The following MYO7B variants were observed in gnomAD, a reference collection of about 807,000 sequenced individuals.
MYO7B encodes unconventional myosin-VIIb.
A neutral mutation model predicts 259.7 loss-of-function variants in MYO7B; 212 were observed. The observed-to-expected ratio is 0.82, with a 90% CI of 0.73 to 0.91. The LOEUF is 0.91. Among genes scored for constraint, MYO7B ranks in the 40% least tolerant of loss-of-function variants. The pLI, the probability that MYO7B is intolerant of heterozygous loss-of-function variation, is 0.00. For missense variants in MYO7B, 2,732 were observed against 2,813.5 expected (o/e 0.97, Z 0.66); for synonymous variants, 1,197 against 1,166.4 (o/e 1.03, Z -0.54).
chr2:127,624,328 G>A lies in MYO7B; in HGVS notation c.4047+8G>A. On this transcript the variant is annotated splice_region_variant and intron_variant, in intron 30 of 47. Transcript: ENST00000409816. Reference sequence around the variant, plus strand: ...GAGTACAGCTTCGAGAAGGTGAGGGGCCTGAGAGCCAGGTCCACCCTAGGC... The same window carrying A: ...GAGTACAGCTTCGAGAAGGTGAGGGACCTGAGAGCCAGGTCCACCCTAGGC... 6.4e-7 allele frequency: 1 copy of A among 1,562,200 alleles called. No homozygotes were observed. The highest frequency in any genetic ancestry group is 8.7e-7 in the Non-Finnish European group (1 of 1,153,612).
chr2:127,627,395 C>A lies in MYO7B; in HGVS notation c.4460+85C>A. 1 of 1,521,304 alleles carries A rather than the reference C, an allele frequency of 6.6e-7. No individual in the cohort carries two copies. Among genetic ancestry groups the A allele is most frequent in the Non-Finnish European group, 9.0e-7 (1 of 1,116,110 alleles). The allele number at this position is 1,521,304 out of a possible 1,614,324, so 94.2% of individuals were successfully genotyped here. A position where few individuals can be genotyped will look rare whatever the true frequency, so the allele number is the denominator to read the frequency against. On this transcript the variant is annotated intron_variant, in intron 33 of 47. Coordinates refer to ENST00000409816, the MANE Select transcript of MYO7B (RefSeq NM_001393586.1). The surrounding 1 kb of genome is among the most constrained non-coding windows in gnomAD (Gnocchi z 5.6). The stretch of plus-strand genomic sequence containing the variant: ...GCTCGGGGAGAGATGGGGAGAGGGG[C>A]AGTGTGCCGTCCCGGGTAACAGGCC...
In MYO7B at chr2:127,566,756, T is replaced by C. The variant is rs1051944226; in HGVS notation, c.399T>C (p.His133=). 2 of 1,612,776 alleles carry C rather than the reference T, an allele frequency of 1.2e-6. No individual in the cohort carries two copies. Among genetic ancestry groups the C allele is most frequent in the Non-Finnish European group, 1.7e-6 (2 of 1,179,858 alleles). The stretch of plus-strand genomic sequence containing the variant: ...GCCATATGGGCGAGCTGCCCCCGCA[T>C]GTCTTTGCCATCGCCAACAACTGCT... ...YSRHMGELPP[H]VFAIANNCYF... The change falls in exon 5 of 48, where the codon CAT becomes CAC. Residue 133 remains histidine (H), a synonymous_variant. Coordinates refer to ENST00000409816, the MANE Select transcript of MYO7B (RefSeq NM_001393586.1).
intron 30 of MYO7B, among the ~76,000 whole-genome samples, chr2:127,624,933 C>T (rs1464274947): frequency 6.6e-6 from 1 of 152,190 alleles, no homozygotes; most frequent in African/African-American, 2.4e-5. Context: ...GAGGCATGGG[C>T]AGGGGGTGGC....
At chr2:127,549,769 C>T (rs1693377039) in intron 1 of MYO7B, among the ~76,000 whole-genome samples, 1 of 152,098 alleles carries the variant, frequency 6.6e-6, no homozygotes, top group South Asian at 2.1e-4. Flanking sequence ...ATTTGGGACT[C>T]AGCAGGGCTA....
At chr2:127,555,247 G>A (rs762221006) in intron 1 of MYO7B, among the ~76,000 whole-genome samples, 27 of 152,212 alleles carry the variant, frequency 1.8e-4, no homozygotes, top group Non-Finnish European at 2.9e-4. Flanking sequence ...GTGCCTGGCC[G>A]TCTAACTGAT....
chr2:127,553,637 T>C (rs1693534517), intron 1 of MYO7B, among the ~76,000 whole-genome samples: 1 of 152,240 alleles, frequency 6.6e-6, no homozygotes. Flanking sequence ...AATTCATTTA[T>C]CAATTCTAGG....
At position 127,624,107 on chromosome 2, in the gene MYO7B, C is replaced by T; in HGVS notation, c.3834C>T (p.Gly1278=). The T allele has an allele frequency of 6.4e-7, 1 of 1,571,532 alleles. No individual in the cohort carries two copies. Among genetic ancestry groups the T allele is most frequent in the Non-Finnish European group, 8.6e-7 (1 of 1,159,316 alleles). The change falls in exon 30 of 48, where the codon GGC becomes GGT. Residue 1278 remains glycine, a synonymous_variant. Coordinates refer to ENST00000409816, the MANE Select transcript of MYO7B (RefSeq NM_001393586.1). Reference sequence around the variant, plus strand: ...TCTGGCCTCAGTTCTGGTCCCTGGGCAGCGGGCGCGACCACATGATGGATG... The same window carrying T: ...TCTGGCCTCAGTTCTGGTCCCTGGGTAGCGGGCGCGACCACATGATGGATG... The part of the protein sequence containing the change: ...VAVYDKFWSL[G]SGRDHMMDAI...
rs1285272505 is a variant in MYO7B at position 127,559,187 on chromosome 2, G to C, written c.-23-513G>C. Among the ~76,000 whole-genome samples the C allele has an allele frequency of 6.6e-6, 1 of 152,214 alleles. No individual in the cohort carries two copies. Among genetic ancestry groups the C allele is most frequent in the Non-Finnish European group, 1.5e-5 (1 of 68,034 alleles). On this transcript the variant is annotated intron_variant, in intron 1 of 47. Transcript: ENST00000409816. This position sits in a 1 kb window ranked among gnomAD's most constrained non-coding sequence, Gnocchi z 4.1. ...TCCCTCTAGAACCACCAGGTGCTAA[G>C]GACAGGTTTGAAAGGAGGCAGATCC... is the stretch of plus-strand genomic sequence containing the variant.
rs752964011 is a variant in MYO7B, at chr2:127,631,667, G to C, written c.5163G>C (p.Gln1721His). ...QAWPTLELTD[Q>H]IFTLALQHPA... ...GGCCCACCCTGGAGCTCACCGACCA[G>C]ATCTTCACACTGGCCCTGCAGCACC... The change falls in exon 38 of 48, where the codon CAG becomes CAC. Residue 1721 changes from glutamine to histidine, a missense_variant. Physicochemically the swap from Gln to His is conservative, Grantham distance 24. This residue lies in a region of MYO7B where 821 missense variants were observed against 769.3 expected (regional missense o/e 1.07). Transcript: ENST00000409816. 4.2e-5 allele frequency: 68 copies of C among 1,613,112 alleles called. No homozygotes were observed. In the South Asian group the frequency reaches 7.4e-4, roughly 17 times the overall value.
chr2:127,630,479 AGG>A (rs1681411282), intron 35 of MYO7B, among the ~76,000 whole-genome samples: 1 of 152,266 alleles, frequency 6.6e-6, no homozygotes, highest in Middle Eastern at 3.4e-3. Flanking sequence ...CCCATGGAGA[AGG>A]GGAGCTGGGG....
Position 127,565,372 on chromosome 2 carries a change from A to C in MYO7B, c.272A>C (p.Gln91Pro), listed in dbSNP as rs1283242057. 1 of 1,613,922 alleles carries C rather than the reference A, an allele frequency of 6.2e-7. No individual in the cohort carries two copies. The highest frequency in any genetic ancestry group is 8.5e-7 in the Non-Finnish European group (1 of 1,179,890). Residue 91 changes from glutamine to proline, a missense_variant, in exon 4 of 48, where the codon CAG becomes CCG. By Grantham distance (76) the Gln-to-Pro change is moderately conservative. This residue lies in a region of MYO7B where 1,906 missense variants were observed against 2,026.4 expected (regional missense o/e 0.94). Transcript: ENST00000409816. ...CACAACCTCCTGATCCGCTACCAGCAGCACAAGATCTATGTGAGTCTCCCC... is the reference window on the plus strand; with the variant it reads ...CACAACCTCCTGATCCGCTACCAGCCGCACAAGATCTATGTGAGTCTCCCC... ...MVHNLLIRYQQHKIYTYTGSI... is the reference protein window; with the variant it reads ...MVHNLLIRYQPHKIYTYTGSI...
intron 1 of MYO7B, among the ~76,000 whole-genome samples, chr2:127,536,513 C>A (rs928419660): frequency 2.0e-5 from 3 of 151,612 alleles, no homozygotes; most frequent in Non-Finnish European, 4.4e-5. Flanking sequence ...GGGACCGCAC[C>A]GGGGCTCACA....
intron 16 of MYO7B, among the ~76,000 whole-genome samples, chr2:127,591,393 G>A (rs975074683): frequency 7.2e-5 from 11 of 152,340 alleles, no homozygotes; most frequent in Admixed American, 3.3e-4. Context: ...GCTGAAGCTC[G>A]GGGGTTAAGA....
intron 1 of MYO7B, among the ~76,000 whole-genome samples, chr2:127,550,475 CT>C (rs1311708832): frequency 2.0e-5 from 3 of 151,880 alleles, no homozygotes; most frequent in African/African-American, 7.3e-5. Context: ...CTGAGGATCC[CT>C]TGAACCCGGG....
rs1679321370 is a variant in MYO7B, at chr2:127,586,754, C to T, written c.1691-1638C>T. On this transcript the variant is annotated intron_variant, in intron 14 of 47. Transcript: ENST00000409816. The surrounding 1 kb of genome is among the most constrained non-coding windows in gnomAD (Gnocchi z 4.8). ...TGCAGAAATATTAATTAAAACTAAG[C>T]CTTCTTTTTATTTTGGATACCATGC... 1.3e-5 allele frequency among the ~76,000 whole-genome samples: 2 copies of T among 152,154 alleles called. No individual in the cohort carries two copies. The highest frequency in any genetic ancestry group is 1.3e-4 in the Admixed American group (2 of 15,276).
At chr2:127,548,464 T>C (rs1489994204) in intron 1 of MYO7B, among the ~76,000 whole-genome samples, 1 of 151,064 alleles carries the variant, frequency 6.6e-6, no homozygotes, top group African/African-American at 2.4e-5. Context: ...TCACCCAGGC[T>C]GGAGTGCAGT....
Position 127,576,383 on chromosome 2 carries a change from T to C in MYO7B, c.736-212T>C, listed in dbSNP as rs2104914599. Among the ~76,000 whole-genome samples the C allele has an allele frequency of 6.6e-6, 1 of 152,114 alleles. No homozygotes were observed. Among genetic ancestry groups the C allele is most frequent in the South Asian group, 2.1e-4 (1 of 4,814 alleles). ...GAGGAGCAGTCAAGATGCAGGGAAA[T>C]GGAGTTCTCAGGGCAGGGATGAGAC... On this transcript the variant is annotated intron_variant, in intron 7 of 47. Transcript: ENST00000409816. The surrounding 1 kb of genome is among the most constrained non-coding windows in gnomAD (Gnocchi z 4.9).
intron 43 of MYO7B, 96 bp downstream of exon 43, chr2:127,635,322 G>A: frequency 1.7e-6 from 2 of 1,209,424 alleles, no homozygotes; most frequent in Non-Finnish European, 2.4e-6. Flanking sequence ...GGCAGGGCCA[G>A]CCTCAGCCCT....
At position 127,631,289 on chromosome 2, in the gene MYO7B, C is replaced by T. The variant is rs757266162; in HGVS notation, c.5021C>T (p.Pro1674Leu). The T allele has an allele frequency of 1.6e-5, 26 of 1,612,116 alleles. No individual in the cohort carries two copies. The highest frequency in any genetic ancestry group is 1.3e-4 in the East Asian group (6 of 44,866). ...CACCTGTGGGCCTATTCCTGCGAGC[C>T]GCTGCGACAGCCGCTGCTCAAGCGA... ...RGHLWAYSCE[P>L]LRQPLLKRVH... is the part of the protein sequence containing the mutation. Residue 1674 changes from proline to leucine, a missense_variant, in exon 37 of 48, where the codon CCG (proline) becomes CTG (leucine). Physicochemically the swap from Pro to Leu is moderately conservative, Grantham distance 98. Around this residue, in one of 3 missense-constraint regions of MYO7B, gnomAD observed 821 missense variants for 769.3 expected, o/e 1.07. Coordinates refer to ENST00000409816, the MANE Select transcript of MYO7B (RefSeq NM_001393586.1).
Sources: gnomAD v4.1 joint callset for allele counts (sites outside exome capture counted in the v4.1 genomes callset) on GRCh38, gnomAD v4.1.1 for gene constraint, gnomAD v4.1.1 regional missense constraint, Gnocchi (gnomAD v3.1) non-coding constraint, MANE v1.5 for transcripts, NCBI Gene and HGNC (gene_info 2026-07-23, HGNC 2026-07-21) for gene names.